Variants in CAPZA2 observed in about 807,000 individuals in gnomAD.
The protein encoded by CAPZA2 is F-actin-capping protein subunit alpha-2.
A neutral mutation model predicts 44.0 loss-of-function variants in CAPZA2; 13 were observed. The ratio of observed to expected loss-of-function variants is 0.30; its 90% CI spans 0.19 to 0.47. The LOEUF (loss-of-function observed/expected upper bound fraction) is 0.47, where lower values mean the gene tolerates loss of function less well. CAPZA2 is among the 20% of genes least tolerant of loss of function. CAPZA2 has a pLI of 1.00. For missense variants in CAPZA2, 244 were observed against 338.6 expected, an observed-to-expected ratio of 0.72 and a Z score of 2.19; for synonymous variants, 94 against 108.2, an observed-to-expected ratio of 0.87 and a Z score of 0.81.
chr7:116,868,686 A>G (rs1208941340), intron 1 of CAPZA2, among the ~76,000 whole-genome samples: 2 of 152,196 alleles, frequency 1.3e-5, no homozygotes, highest in Non-Finnish European at 2.9e-5. Flanking sequence ...GTGAGCGGTG[A>G]TCGCACCACT....
intron 1 of CAPZA2, among the ~76,000 whole-genome samples, chr7:116,881,625 G>A (rs1796703988): frequency 6.6e-6 from 1 of 151,122 alleles, no homozygotes; most frequent in Non-Finnish European, 1.5e-5. Context: ...TGTAGTCCCA[G>A]CTACTTGGGA....
intron 4 of CAPZA2, among the ~76,000 whole-genome samples, chr7:116,902,992 C>CATGA (rs2115955793): frequency 6.6e-6 from 1 of 152,290 alleles, no homozygotes; most frequent in Admixed American, 6.5e-5. Context: ...GGATTACAGG[C>CATGA]ATGAGCTACC....
intron 1 of CAPZA2, among the ~76,000 whole-genome samples, chr7:116,867,543 AGAGACTTCAGAGAGCTGCATACTAG>A (rs1221839323): frequency 3.3e-5 from 5 of 151,046 alleles, no homozygotes; most frequent in Non-Finnish European, 7.4e-5. Flanking sequence ...GTGAATTTAG[AGAGACTTCAGAGAGCTGCATACTAG>A]TCCATTTCTC....
intron 1 of CAPZA2, among the ~76,000 whole-genome samples, chr7:116,865,149 A>G (rs902347837): frequency 4.2e-5 from 5 of 118,436 alleles, no homozygotes. Flanking sequence ...TCCAACGTTG[A>G]TGTTCTTGTG....
chr7:116,887,519 C>G (rs959602254), intron 1 of CAPZA2, among the ~76,000 whole-genome samples: 1 of 150,728 alleles, frequency 6.6e-6, no homozygotes, highest in African/African-American at 2.4e-5. Flanking sequence ...AGAGCAAGAC[C>G]CTGCCTCCAA....
chr7:116,893,120 G>T (rs1254794353), intron 3 of CAPZA2, 75 bp downstream of exon 3: 13 of 951,466 alleles, frequency 1.4e-5, no homozygotes, highest in Non-Finnish European at 1.9e-5. Flanking sequence ...GTGTGTGGGG[G>T]TTTTTTGTGG....
At chr7:116,872,859 A>G (rs1453143188) in intron 1 of CAPZA2, among the ~76,000 whole-genome samples, 1 of 152,192 alleles carries the variant, frequency 6.6e-6, no homozygotes, top group African/African-American at 2.4e-5. Flanking sequence ...AGACACTTCA[A>G]ATTTTACATC....
intron 1 of CAPZA2, among the ~76,000 whole-genome samples, chr7:116,879,073 C>T (rs1044166996): frequency 7.9e-6 from 1 of 126,748 alleles, no homozygotes; most frequent in Non-Finnish European, 1.6e-5. Flanking sequence ...TTGCAGTGAG[C>T]GGAGATCGTG....
intron 4 of CAPZA2, among the ~76,000 whole-genome samples, chr7:116,900,208 A>T (rs1698269374): frequency 6.6e-6 from 1 of 151,952 alleles, no homozygotes; most frequent in South Asian, 2.1e-4. Context: ...ATAAACTAAA[A>T]CATTAAAATA....
chr7:116,912,295 T>C (rs1224367107), intron 8 of CAPZA2, among the ~76,000 whole-genome samples, 155 bp downstream of exon 8: 1 of 152,248 alleles, frequency 6.6e-6, no homozygotes. Flanking sequence ...CTAACTTTTT[T>C]GCAGCTTTGA....
At chr7:116,890,045 C>T (rs796957731) in intron 2 of CAPZA2, among the ~76,000 whole-genome samples, 22 of 152,246 alleles carry the variant, frequency 1.4e-4, no homozygotes, top group African/African-American at 5.1e-4. Flanking sequence ...AATGGTGAGA[C>T]TGCACTAAAG....
intron 1 of CAPZA2, among the ~76,000 whole-genome samples, chr7:116,870,589 A>T (rs531715324): frequency 1.8e-4 from 28 of 152,292 alleles, no homozygotes; most frequent in African/African-American, 6.7e-4. Context: ...CCCACATGAT[A>T]TGCCACTACC....
intron 1 of CAPZA2, among the ~76,000 whole-genome samples, chr7:116,870,653 G>C (rs550169098): frequency 6.6e-6 from 1 of 152,292 alleles, no homozygotes; most frequent in South Asian, 2.1e-4. Flanking sequence ...TTCACCCCTT[G>C]TTGAGACCCA....
chr7:116,903,907 A>G lies in CAPZA2; in HGVS notation c.220-270A>G, dbSNP rs1797027193. On this transcript the variant is annotated intron_variant, in intron 4 of 9. Transcript: ENST00000361183. ...CAGAAAACCCACCAAACCCACTTGA[A>G]CAGTGTTTTTAGAGGTTGCATTTTT... 2.0e-5 allele frequency among the ~76,000 whole-genome samples: 3 copies of G among 152,200 alleles called. No individual in the cohort carries two copies. In the South Asian group the frequency reaches 6.2e-4, roughly 32 times the overall value.
chr7:116,876,795 TTAA>T (rs1482254933), intron 1 of CAPZA2, among the ~76,000 whole-genome samples: 1 of 152,202 alleles, frequency 6.6e-6, no homozygotes, highest in East Asian at 1.9e-4. Context: ...CAGCAGTTTA[TTAA>T]TCACAAATAC....
chr7:116,901,762 A>T (rs985313849), intron 4 of CAPZA2, among the ~76,000 whole-genome samples: 2 of 152,120 alleles, frequency 1.3e-5, no homozygotes, highest in Non-Finnish European at 2.9e-5. Context: ...AAATTATTTT[A>T]AAAGTAATGT....
At chr7:116,916,028 T>C in intron 8 of CAPZA2, 32 bp from the exon 9 acceptor site, 1 of 1,389,312 alleles carries the variant, frequency 7.2e-7, no homozygotes, top group Non-Finnish European at 9.7e-7. Context: ...AGTTTTAAAT[T>C]ACTATTTTTA....
chr7:116,894,774 A>G (rs776796033), intron 3 of CAPZA2, among the ~76,000 whole-genome samples: 18 of 152,138 alleles, frequency 1.2e-4, no homozygotes, highest in Non-Finnish European at 2.2e-4. Context: ...TGACTGGTCT[A>G]TTTTACTTAG....
chr7:116,893,572 A>G (rs1421525767), intron 3 of CAPZA2, among the ~76,000 whole-genome samples: 1 of 152,242 alleles, frequency 6.6e-6, no homozygotes, highest in Admixed American at 6.5e-5. Context: ...ATGACATGAA[A>G]TTATTCACTG....
Sources: allele counts gnomAD v4.1 joint callset (sites outside exome capture counted in the v4.1 genomes callset), GRCh38; gene constraint gnomAD v4.1.1; transcripts MANE v1.5; gene names NCBI Gene and HGNC (gene_info 2026-07-23, HGNC 2026-07-21).